TUBGCP5: variants seen among roughly 807,000 people sequenced by gnomAD.
TUBGCP5 encodes the protein gamma-tubulin complex component 5.
A neutral mutation model predicts 134.7 loss-of-function variants in TUBGCP5; 98 were observed. That is an observed-to-expected ratio of 0.73 (90% confidence interval 0.62 to 0.86). The LOEUF is 0.86. Among genes scored for constraint, TUBGCP5 ranks in the 40% least tolerant of loss-of-function variants. The pLI, the probability that TUBGCP5 is intolerant of heterozygous loss-of-function variation, is 0.00. For synonymous variants in TUBGCP5, 456 were observed against 431.4 expected (o/e 1.06, Z -0.71); for missense variants, 1,150 against 1,244.8 (o/e 0.92, Z 1.15).
At chr15:22,989,754 A>C (rs183070733) in intron 23 of TUBGCP5, among the ~76,000 whole-genome samples, 1 of 152,236 alleles carries the variant, frequency 6.6e-6, no homozygotes, top group East Asian at 1.9e-4. Context: ...ATATTTGTAC[A>C]ACCTGATCTC....
At position 23,018,032 on chromosome 15, in the gene TUBGCP5, A is replaced by C. The variant is rs1019999641; in HGVS notation, c.1497T>G (p.Asn499Lys). 5 of 1,606,772 alleles carry C rather than the reference A, an allele frequency of 3.1e-6. No homozygotes were observed. Among genetic ancestry groups the C allele is most frequent in the African/African-American group, 2.7e-5 (2 of 74,710 alleles). ...AREFIIQRNK[N>K]VPVNHRDFWY... ...AGAAGTCTCTGTGATTAACTGGAAC[A>C]TTTTTGTTTCTAAAGAGATTCAAAA... is the stretch of plus-strand genomic sequence containing the variant. The change falls in exon 13 of 23, where the codon AAT (asparagine) becomes AAG (lysine). Residue 499 changes from asparagine to lysine, a missense_variant. Asn to Lys is a moderately conservative substitution (Grantham distance 94). This residue lies in a region of TUBGCP5 where 697 missense variants were observed against 850.1 expected (regional missense o/e 0.82). Transcript: ENST00000615383.
chr15:23,023,873 A>T, intron 10 of TUBGCP5, 74 bp downstream of exon 10: 4 of 1,442,346 alleles, frequency 2.8e-6, no homozygotes, highest in Non-Finnish European at 3.7e-6. Flanking sequence ...CAAATCTTAT[A>T]TAATAAAAAC....
At chr15:22,993,810 G>T (rs2063945106) in intron 23 of TUBGCP5, among the ~76,000 whole-genome samples, 1 of 151,770 alleles carries the variant, frequency 6.6e-6, no homozygotes. Flanking sequence ...CTCCCAAAGT[G>T]TTGGGATTAC....
At chr15:23,037,414 C>T (rs1475194041) in intron 1 of TUBGCP5, among the ~76,000 whole-genome samples, 4 of 152,166 alleles carry the variant, frequency 2.6e-5, no homozygotes, top group African/African-American at 9.7e-5. Context: ...TTCCCATAAG[C>T]CCCTGTACCT....
intron 21 of TUBGCP5, among the ~76,000 whole-genome samples, chr15:23,001,240 G>A (rs8041415): frequency 0.088 from 13,246 of 151,252 alleles, 1,042 homozygotes; most frequent in East Asian, 0.46. Flanking sequence ...ATGGGGTTTC[G>A]CCATGTTGGT....
chr15:23,024,052 C>T lies in TUBGCP5; in HGVS notation c.1063G>A (p.Glu355Lys). Reference protein sequence around the residue: ...GSGSVPKKSTEAPFRTYQAFM... With the variant: ...GSGSVPKKSTKAPFRTYQAFM... ...GCCTGGTAGGTTCTAAAGGGAGCTT[C>T]AGTTGACTTCTTAGGAACAGACCCA... The change falls in exon 10 of 23, where the codon GAA (glutamate) becomes AAA (lysine). Residue 355 changes from glutamate to lysine, a missense_variant. Physicochemically the swap from Glu to Lys is moderately conservative, Grantham distance 56. This residue lies in a region of TUBGCP5 where 697 missense variants were observed against 850.1 expected (regional missense o/e 0.82). Coordinates refer to ENST00000615383, the MANE Select transcript of TUBGCP5 (RefSeq NM_052903.6). The T allele has an allele frequency of 6.2e-7, 1 of 1,614,162 alleles. No individual in the cohort carries two copies. The highest frequency in any genetic ancestry group is 2.2e-5 in the East Asian group (1 of 44,880).
At position 23,005,512 on chromosome 15, in the gene TUBGCP5, G is replaced by C. The variant is rs1238985878; in HGVS notation, c.2632C>G (p.Gln878Glu). ...QFGPQKEPVR[Q>E]QIHRMFLLRV... is the part of the protein sequence containing the mutation. The stretch of plus-strand genomic sequence containing the variant: ...AAGAGGAACATGCGATGAATCTGCT[G>C]TCTTACTGGTTCTTTTTGTGGTCCG... The change falls in exon 19 of 23, where the codon CAG becomes GAG. Residue 878 changes from glutamine (Q) to glutamate (E), a missense_variant. Gln to Glu is a conservative substitution (Grantham distance 29, BLOSUM62 2). Transcript: ENST00000615383. The C allele has an allele frequency of 1.9e-6, 3 of 1,614,088 alleles. No individual in the cohort carries two copies. The highest frequency in any genetic ancestry group is 2.7e-5 in the African/African-American group (2 of 74,932).
At chr15:22,988,381 G>A (rs1023360754) in intron 23 of TUBGCP5, among the ~76,000 whole-genome samples, 1 of 151,912 alleles carries the variant, frequency 6.6e-6, no homozygotes, top group Non-Finnish European at 1.5e-5. Context: ...TGGAGGCAAG[G>A]CCCTATTGCT....
intron 11 of TUBGCP5, among the ~76,000 whole-genome samples, chr15:23,019,535 C>CG (rs2065541539): frequency 6.6e-6 from 1 of 152,106 alleles, no homozygotes; most frequent in Non-Finnish European, 1.5e-5. Context: ...TGGTGGCTCA[C>CG]GCCTGTGATC....
At position 23,001,338 on chromosome 15, in the gene TUBGCP5, T is replaced by A. The variant is rs2064359274; in HGVS notation, c.2928-669A>T. 1.4e-5 allele frequency among the ~76,000 whole-genome samples: 2 copies of A among 147,766 alleles called. 1 individual carries two copies. Among genetic ancestry groups the A allele is most frequent in the Admixed American group, 1.4e-4 (2 of 14,670 alleles). ...GATTGCAGTTGTGAGCCATGGAGCC[T>A]GGCTGCCTTTTTTTTTTTTAGACAG... On this transcript the variant is annotated intron_variant, in intron 21 of 22. Coordinates refer to ENST00000615383, the MANE Select transcript of TUBGCP5 (RefSeq NM_052903.6).
At chr15:22,995,464 A>G (rs987287564), downstream of TUBGCP5, among the ~76,000 whole-genome samples, 2 of 151,722 alleles carry the variant, frequency 1.3e-5, no homozygotes, top group African/African-American at 2.4e-5. Flanking sequence ...GACATTGTGT[A>G]ACCTAAGAAA....
intron 3 of TUBGCP5, among the ~76,000 whole-genome samples, chr15:23,033,988 C>G (rs1482868489): frequency 1.3e-5 from 2 of 152,158 alleles, no homozygotes; most frequent in East Asian, 1.9e-4. Context: ...ATTGCCAAAG[C>G]CTTCAGCATC....
chr15:23,005,532 G>C lies in TUBGCP5; in HGVS notation c.2612C>G (p.Pro871Arg). ...HEQDTVAQFG[P>R]QKEPVRQQIH... Reference sequence around the variant, plus strand: ...CTGCTGTCTTACTGGTTCTTTTTGTGGTCCGAACTGAGCAACTGTGTCTTG... The same window carrying C: ...CTGCTGTCTTACTGGTTCTTTTTGTCGTCCGAACTGAGCAACTGTGTCTTG... Residue 871 changes from proline to arginine, a missense_variant, in exon 19 of 23, where the codon CCA becomes CGA. Pro to Arg is a moderately radical substitution (Grantham distance 103). This residue lies in a region of TUBGCP5 where 697 missense variants were observed against 850.1 expected (regional missense o/e 0.82). Transcript: ENST00000615383. 6 of 1,614,136 alleles carry C rather than the reference G, an allele frequency of 3.7e-6. No individual in the cohort carries two copies. Among genetic ancestry groups the C allele is most frequent in the Non-Finnish European group, 3.4e-6 (4 of 1,180,018 alleles).
At chr15:23,002,238 C>G (rs2064431452) in intron 21 of TUBGCP5, among the ~76,000 whole-genome samples, 1 of 152,108 alleles carries the variant, frequency 6.6e-6, no homozygotes, top group South Asian at 2.1e-4. Context: ...GCAGCTATGG[C>G]TTCATCTACT....
At chr15:22,999,046 A>G (rs559481062), downstream of TUBGCP5, 1 of 152,274 alleles carries the variant, frequency 6.6e-6, no homozygotes, top group South Asian at 2.1e-4. Flanking sequence ...AAGCTTGAGA[A>G]ACTACACCCA....
chr15:23,020,094 T>C (rs537223901), intron 11 of TUBGCP5, among the ~76,000 whole-genome samples: 93 of 151,528 alleles, frequency 6.1e-4, no homozygotes, highest in Non-Finnish European at 1.2e-3. Context: ...CTGGCCAATA[T>C]GGTGAAACCC....
chr15:23,019,089 T>C (rs935624448), intron 12 of TUBGCP5, 130 bp downstream of exon 12: 9 of 565,120 alleles, frequency 1.6e-5, no homozygotes, highest in Admixed American at 1.0e-4. Flanking sequence ...TTGCCTATGA[T>C]GACGACAAGT....
downstream of TUBGCP5, among the ~76,000 whole-genome samples, chr15:22,995,590 C>CAA (rs1275896985): frequency 7.2e-6 from 1 of 138,544 alleles, no homozygotes; most frequent in African/African-American, 2.7e-5. Flanking sequence ...AAAAAAAAAA[C>CAA]AAAACAAAAA....
intron 1 of TUBGCP5, among the ~76,000 whole-genome samples, chr15:23,038,274 G>A (rs1457394605): frequency 3.4e-5 from 5 of 148,738 alleles, no homozygotes; most frequent in Admixed American, 6.7e-5. Flanking sequence ...CAGTAAATGG[G>A]TGAATGGAAC....
Sources: allele counts gnomAD v4.1 joint callset (sites outside exome capture counted in the v4.1 genomes callset), GRCh38; gene constraint gnomAD v4.1.1; regional missense constraint gnomAD v4.1.1; transcripts MANE v1.5; gene names NCBI Gene and HGNC (gene_info 2026-07-23, HGNC 2026-07-21).